Variants in USP26 observed in about 807,000 individuals in gnomAD.
The protein encoded by USP26 is ubiquitin carboxyl-terminal hydrolase 26.
For missense variants in USP26, 649 were observed against 642.3 expected (o/e 1.01, Z -0.11); for synonymous variants, 236 against 240.6 (o/e 0.98, Z 0.18).
At chrX:133,076,952 A>G (rs1489220481) in intron 5 of USP26, among the ~76,000 whole-genome samples, 2 of 112,533 alleles carry the variant, frequency 1.8e-5, no homozygotes, top group Non-Finnish European at 3.8e-5. Flanking sequence ...TAAGCTTTGA[A>G]GTAATTTCTT....
intron 5 of USP26, among the ~76,000 whole-genome samples, chrX:133,041,218 T>C (rs1229619952): frequency 1.8e-5 from 2 of 110,938 alleles, no homozygotes; most frequent in Non-Finnish European, 3.8e-5. Flanking sequence ...ATTCTCCATT[T>C]AGTTTTGTGC....
intron 1 of USP26, among the ~76,000 whole-genome samples, chrX:133,094,002 AAAAAGAGT>A (rs2067618019): frequency 9.2e-6 from 1 of 108,285 alleles, no homozygotes. Flanking sequence ...AAAAAAAAAA[AAAAAGAGT>A]AAACCAGGCC....
intron 5 of USP26, chrX:133,046,054 A>T (rs2148529414): frequency 9.0e-6 from 1 of 111,536 alleles, no homozygotes; most frequent in African/African-American, 3.3e-5. Context: ...GTGGTCCTAC[A>T]AGGATTCCTT....
In USP26 at chrX:133,026,492, G is replaced by A. The variant is rs779941047; in HGVS notation, c.1729C>T (p.Arg577Ter). ...ITDFQLLKVI[R>*]KMTSGNISVS... ...CTGATGTTTCCAGAAGTCATCTTTC[G>A]AATAACTTTTAATAATTGGAAATCT... Residue 577 changes from arginine (R) to a stop codon, truncating the protein, a stop_gained, in exon 6 of 6, where the codon CGA (arginine) becomes TGA (stop). Transcript: ENST00000511190. LOFTEE classifies it low-confidence loss of function (END_TRUNC). 4 of 1,207,609 alleles carry A rather than the reference G, an allele frequency of 3.3e-6. No homozygotes were observed. The Admixed American group carries it at 6.6e-5, about 20-fold the overall frequency.
At chrX:133,092,530 T>G (rs2067611468) in intron 1 of USP26, among the ~76,000 whole-genome samples, 1 of 112,386 alleles carries the variant, frequency 8.9e-6, no homozygotes, top group Non-Finnish European at 1.9e-5. Context: ...GTTGGTGCCA[T>G]CTGACACTGA....
intron 5 of USP26, among the ~76,000 whole-genome samples, chrX:133,073,410 A>G (rs896270441): frequency 1.8e-5 from 2 of 109,177 alleles, no homozygotes; most frequent in Non-Finnish European, 3.8e-5. Context: ...ATTTTGCCCA[A>G]TGAGTTCTCC....
At chrX:133,052,242 G>C (rs990948829) in intron 5 of USP26, among the ~76,000 whole-genome samples, 1 of 111,993 alleles carries the variant, frequency 8.9e-6, no homozygotes, top group Non-Finnish European at 1.9e-5. Context: ...ATTGACTTAC[G>C]ATAGTGGAGT....
rs778684071 is a variant in USP26 at position 133,026,897 on chromosome X, A to T, written c.1324T>A (p.Leu442Met). Residue 442 changes from leucine (L) to methionine (M), a missense_variant, in exon 6 of 6, where the codon TTG (leucine) becomes ATG (methionine). Leu to Met is a conservative substitution (Grantham distance 15). Coordinates refer to ENST00000511190, the MANE Select transcript of USP26 (RefSeq NM_031907.3). ...CPVITNFELE[L>M]LHSIACKACG... ...GCTTTACAAGCAATGGAGTGCAACA[A>T]CTCTAACTCAAAATTAGTAATGACA... is the stretch of plus-strand genomic sequence containing the variant. 3 of 1,211,259 alleles carry T rather than the reference A, an allele frequency of 2.5e-6. No individual in the cohort carries two copies. The East Asian group carries it at 8.9e-5, about 36-fold the overall frequency.
Position 133,027,686 on chromosome X carries a change from T to C in USP26, c.535A>G (p.Lys179Glu), listed in dbSNP as rs764836187. The C allele has an allele frequency of 4.1e-6, 5 of 1,208,945 alleles. No individual in the cohort carries two copies. The highest frequency in any genetic ancestry group is 5.6e-6 in the Non-Finnish European group (5 of 893,395). The change falls in exon 6 of 6, where the codon AAG becomes GAG. Residue 179 changes from lysine (K) to glutamate (E), a missense_variant. Lys to Glu is a moderately conservative substitution (Grantham distance 56). Transcript: ENST00000511190. Reference protein sequence around the residue: ...CGELSENQHKKRKRMLSSSSE... With the variant: ...CGELSENQHKERKRMLSSSSE... ...CTAGATGAGAGCATTCTTTTCCTCTTCTTGTGCTGATTTTCTGATAACTCT... is the reference window on the plus strand; with the variant it reads ...CTAGATGAGAGCATTCTTTTCCTCTCCTTGTGCTGATTTTCTGATAACTCT...
intron 5 of USP26, among the ~76,000 whole-genome samples, chrX:133,082,492 T>C (rs2067573749): frequency 8.9e-6 from 1 of 112,274 alleles, no homozygotes; most frequent in African/African-American, 3.2e-5. Flanking sequence ...TTGTAGCTTC[T>C]GGATAAACAA....
Position 133,039,781 on chromosome X carries a change from G to A in USP26, c.-76-11485C>T, listed in dbSNP as rs745306949. On this transcript the variant is annotated intron_variant, in intron 5 of 5. Transcript: ENST00000511190. The stretch of plus-strand genomic sequence containing the variant: ...CTGTTTCATTGATCCGTCTAATATC[G>A]ACAGTGGTGTGTTAAAGTCTCCCAC... 1.3e-3 allele frequency among the ~76,000 whole-genome samples: 148 copies of A among 111,446 alleles called. 1 individual carries two copies. The highest frequency in any genetic ancestry group is 4.4e-3 in the African/African-American group (135 of 30,663).
intron 5 of USP26, among the ~76,000 whole-genome samples, chrX:133,035,882 A>G (rs113086183): frequency 0.034 from 3,863 of 112,117 alleles, 98 homozygotes; most frequent in East Asian, 0.1. Flanking sequence ...GTTGAGGCTG[A>G]GTGCGGTGGC....
chrX:133,093,467 T>C (rs2067614666), intron 1 of USP26, among the ~76,000 whole-genome samples: 1 of 109,793 alleles, frequency 9.1e-6, no homozygotes, highest in Non-Finnish European at 1.9e-5. Context: ...TAAAGTCTAT[T>C]GAGGAGGAAG....
chrX:133,037,802 A>G (rs1205623150), intron 5 of USP26, among the ~76,000 whole-genome samples: 1 of 112,043 alleles, frequency 8.9e-6, no homozygotes, highest in Non-Finnish European at 1.9e-5. Flanking sequence ...CCTATCCATG[A>G]ACATGGAATT....
At position 133,025,161 on chromosome X, in the gene USP26, G is replaced by A. The variant is rs2067340124; in HGVS notation, c.*318C>T. The A allele has an allele frequency of 1.1e-5, 3 of 266,482 alleles. No individual in the cohort carries two copies. The highest frequency in any genetic ancestry group is 1.4e-4 in the South Asian group (2 of 14,227). The allele number at this position is 266,482 out of a possible 1,213,427, so 22.0% of individuals were successfully genotyped here. ...TTGATGCCAGGAGTTTGAGGCTGCA[G>A]TGAGTTATTATTGAAGGACTGCACT... On this transcript the variant is annotated 3_prime_UTR_variant, in exon 6 of 6. Coordinates refer to ENST00000511190, the MANE Select transcript of USP26 (RefSeq NM_031907.3).
chrX:133,023,581 A>G lies in USP26; in HGVS notation c.*1898T>C, dbSNP rs906328201. On this transcript the variant is annotated 3_prime_UTR_variant, in exon 6 of 6. Coordinates refer to ENST00000511190, the MANE Select transcript of USP26 (RefSeq NM_031907.3). ...AGCCTTATCCTTCAGCTGCTGAAGT[A>G]CTACAGAAGTTGAACAATCACTCAT... is the stretch of plus-strand genomic sequence containing the variant. 8.9e-6 allele frequency among the ~76,000 whole-genome samples: 1 copy of G among 111,861 alleles called. No individual in the cohort carries two copies. Among genetic ancestry groups the G allele is most frequent in the African/African-American group, 3.3e-5 (1 of 30,744 alleles).
chrX:133,050,704 G>C (rs1182910722), intron 5 of USP26, among the ~76,000 whole-genome samples: 5 of 111,773 alleles, frequency 4.5e-5, no homozygotes, highest in African/African-American at 1.3e-4. Context: ...AGAAGACCAC[G>C]TGCTTAGTGT....
chrX:133,070,783 T>C (rs1175572475), intron 5 of USP26, among the ~76,000 whole-genome samples: 2 of 111,912 alleles, frequency 1.8e-5, no homozygotes, highest in Non-Finnish European at 3.8e-5. Context: ...ATAAAGATAT[T>C]TTCAATTTAA....
At chrX:133,058,714 C>T (rs2067485372) in intron 5 of USP26, among the ~76,000 whole-genome samples, 1 of 111,753 alleles carries the variant, frequency 8.9e-6, no homozygotes, top group African/African-American at 3.3e-5. Context: ...CTTTTTTAAT[C>T]TACATATTCA....
Sources: gnomAD v4.1 joint callset for allele counts (sites outside exome capture counted in the v4.1 genomes callset) on GRCh38, gnomAD v4.1.1 for gene constraint, MANE v1.5 for transcripts, NCBI Gene and HGNC (gene_info 2026-07-23, HGNC 2026-07-21) for gene names.